Variants in IQCH observed in about 807,000 individuals in gnomAD.
IQCH encodes the protein IQ domain-containing protein H.
Under a neutral mutation model 117.0 loss-of-function variants are expected in IQCH, and 98 were observed. That is an observed-to-expected ratio of 0.84 (90% CI 0.71 to 0.99). The LOEUF (loss-of-function observed/expected upper bound fraction) is 0.99. Among genes scored for constraint, IQCH ranks in the 50% least tolerant of loss-of-function variants. The pLI, the probability that IQCH is intolerant of heterozygous loss-of-function variation, is 0.00. For synonymous variants in IQCH, 412 were observed against 448.2 expected (o/e 0.92, Z 1.02); for missense variants, 1,102 against 1,243.8 (o/e 0.89, Z 1.72).
intron 17 of IQCH, among the ~76,000 whole-genome samples, chr15:67,471,001 C>T (rs1313692253): frequency 6.6e-6 from 1 of 152,066 alleles, no homozygotes. Flanking sequence ...TAAAAATGTT[C>T]TCATTTCTTT....
In IQCH at chr15:67,447,358, A is replaced by G. The variant is rs1216525942; in HGVS notation, c.2506-17769A>G. Among the ~76,000 whole-genome samples the G allele has an allele frequency of 6.6e-6, 1 of 152,192 alleles. No individual in the cohort carries two copies. The highest frequency in any genetic ancestry group is 1.9e-4 in the East Asian group (1 of 5,198). The stretch of plus-strand genomic sequence containing the variant: ...TTGCTGCCATCCAAAAGGATGTCCT[A>G]TTAGCCTGACAGGGTGCTGAATCTT... On this transcript the variant is annotated intron_variant, in intron 16 of 20. Transcript: ENST00000335894. The surrounding 1 kb of genome is among the most constrained non-coding windows in gnomAD (Gnocchi z 5.3).
chr15:67,278,203 C>T (rs561239986), intron 3 of IQCH, among the ~76,000 whole-genome samples: 2 of 152,178 alleles, frequency 1.3e-5, no homozygotes, highest in East Asian at 3.9e-4. Flanking sequence ...GAGAACGGAA[C>T]GAAGAACAGA....
In IQCH at chr15:67,480,719, ATGAAATTATGAAG is replaced by A. The variant is rs1490301377; in HGVS notation, c.2799+4917_2799+4929del. 5.3e-5 allele frequency among the ~76,000 whole-genome samples: 8 copies of A among 152,300 alleles called. No individual in the cohort carries two copies. The South Asian group carries it at 6.2e-4, about 12-fold the overall frequency. On this transcript the variant is annotated intron_variant, in intron 18 of 20. Transcript: ENST00000335894. ...GGATGACAATTCATGAAGTGAATTT[ATGAAATTATGAAG>A]TGAAATTATGAAGTGGTGAAATATT...
intron 16 of IQCH, among the ~76,000 whole-genome samples, chr15:67,448,454 T>G (rs1479022487): frequency 2.1e-5 from 3 of 142,182 alleles, no homozygotes; most frequent in African/African-American, 7.9e-5. Context: ...AATTCCCACC[T>G]ATGAGTGAGA....
intron 10 of IQCH, among the ~76,000 whole-genome samples, chr15:67,383,830 G>C (rs1971022904): frequency 6.6e-6 from 1 of 152,172 alleles, no homozygotes; most frequent in Admixed American, 6.6e-5. Flanking sequence ...CAGATGCAAA[G>C]CAAAGAGAGA....
chr15:67,403,280 C>T lies in IQCH; in HGVS notation c.2097+2975C>T, dbSNP rs1330007519. The stretch of plus-strand genomic sequence containing the variant: ...AAAAAAAAAGTCATCTCTTTTTTCA[C>T]CTATGTAATTTGGAACCAGAGTTAT... On this transcript the variant is annotated intron_variant, in intron 14 of 20. Coordinates refer to ENST00000335894, the MANE Select transcript of IQCH (RefSeq NM_001031715.3). This position sits in a 1 kb window ranked among gnomAD's most constrained non-coding sequence, Gnocchi z 4.8. 1.3e-5 allele frequency among the ~76,000 whole-genome samples: 2 copies of T among 151,550 alleles called. No individual in the cohort carries two copies. The highest frequency in any genetic ancestry group is 2.9e-5 in the Non-Finnish European group (2 of 67,880).
intron 18 of IQCH, among the ~76,000 whole-genome samples, chr15:67,482,036 C>T (rs192703009): frequency 1.1e-3 from 164 of 152,296 alleles, no homozygotes; most frequent in African/African-American, 3.6e-3. Flanking sequence ...CCAGCCTGGG[C>T]AACATGGCAA....
chr15:67,324,547 T>C (rs1331496505), intron 4 of IQCH, among the ~76,000 whole-genome samples: 2 of 149,540 alleles, frequency 1.3e-5, no homozygotes, highest in African/African-American at 4.9e-5. Context: ...GAGGCGGAGG[T>C]TGCAGTGAGC....
rs1161465321 is a variant in IQCH, at chr15:67,443,272, G to A, written c.2505+21695G>A. Among the ~76,000 whole-genome samples, 1 of 152,176 alleles carries A rather than the reference G, an allele frequency of 6.6e-6. No individual in the cohort carries two copies. The highest frequency in any genetic ancestry group is 1.5e-5 in the Non-Finnish European group (1 of 68,018). On this transcript the variant is annotated intron_variant, in intron 16 of 20. Transcript: ENST00000335894. This position sits in a 1 kb window ranked among gnomAD's most constrained non-coding sequence, Gnocchi z 5.0. ...CTCCCAAAGTGCTGGGATTACAGGC[G>A]TGAGCCACTGCGCCCAGCCTGGAGA... is the stretch of plus-strand genomic sequence containing the variant.
chr15:67,321,896 T>A (rs1596176573), intron 4 of IQCH, among the ~76,000 whole-genome samples: 1 of 152,368 alleles, frequency 6.6e-6, no homozygotes, highest in East Asian at 1.9e-4. Context: ...ACATCATTTA[T>A]GTTGGTGAAT....
Position 67,395,383 on chromosome 15 carries a change from C to A in IQCH, c.1725C>A (p.Ile575=), listed in dbSNP as rs139832856. The A allele has an allele frequency of 1.2e-6, 2 of 1,613,960 alleles. No individual in the cohort carries two copies. Among genetic ancestry groups the A allele is most frequent in the Admixed American group, 3.3e-5 (2 of 59,994 alleles). The change falls in exon 13 of 21, where the codon ATC becomes ATA. Residue 575 remains isoleucine (I), a synonymous_variant. Transcript: ENST00000335894. This position sits in a 1 kb window ranked among gnomAD's most constrained non-coding sequence, Gnocchi z 4.0. ...KNLIRGTEAY[I]VSGLLHRDDL... ...TCATCCGAGGAACAGAGGCCTACAT[C>A]GTCAGCGGGCTCCTCCACAGAGATG...
Position 67,424,453 on chromosome 15 carries a change from T to G in IQCH, c.2505+2876T>G, listed in dbSNP as rs1398589464. 6.6e-6 allele frequency among the ~76,000 whole-genome samples: 1 copy of G among 152,254 alleles called. No homozygotes were observed. Among genetic ancestry groups the G allele is most frequent in the Non-Finnish European group, 1.5e-5 (1 of 68,050 alleles). Reference sequence around the variant, plus strand: ...ACAAATTTAAACTTATTTACATGACTATCTGATTAATATTTTTCTCCTCCT... The same window carrying G: ...ACAAATTTAAACTTATTTACATGACGATCTGATTAATATTTTTCTCCTCCT... On this transcript the variant is annotated intron_variant, in intron 16 of 20. Transcript: ENST00000335894. This position sits in a 1 kb window ranked among gnomAD's most constrained non-coding sequence, Gnocchi z 4.9.
At position 67,279,638 on chromosome 15, in the gene IQCH, A is replaced by G. The variant is rs189606028; in HGVS notation, c.387+126A>G. 8.9e-6 allele frequency: 5 copies of G among 564,692 alleles called. No individual in the cohort carries two copies. The Admixed American group carries it at 1.8e-4, about 20-fold the overall frequency. 35.0% of individuals were successfully genotyped at this position (564,692 alleles called of 1,614,324 possible). A position where few individuals can be genotyped will look rare whatever the true frequency, so the allele number is the denominator to read the frequency against. ...CTTTGGGGGACAATGAACATGTTCTAGAATTATATAGTGGTGATGATTGCA... is the reference window on the plus strand; with the variant it reads ...CTTTGGGGGACAATGAACATGTTCTGGAATTATATAGTGGTGATGATTGCA... On this transcript the variant is annotated intron_variant, in intron 4 of 20. Transcript: ENST00000335894.
chr15:67,323,334 C>T (rs1284555986), intron 4 of IQCH, among the ~76,000 whole-genome samples: 4 of 150,776 alleles, frequency 2.7e-5, no homozygotes, highest in African/African-American at 9.8e-5. Flanking sequence ...GCTCTGCCTC[C>T]CAGGTTCACG....
chr15:67,290,951 G>T (rs549737637), intron 4 of IQCH, among the ~76,000 whole-genome samples: 47 of 152,248 alleles, frequency 3.1e-4, no homozygotes, highest in South Asian at 2.9e-3. Flanking sequence ...GCCTTTATGG[G>T]CCAGGAACAC....
rs1970468697 is a variant in IQCH, at chr15:67,369,972, G to T, written c.754-2139G>T. On this transcript the variant is annotated intron_variant, in intron 8 of 20. Transcript: ENST00000335894. This position sits in a 1 kb window ranked among gnomAD's most constrained non-coding sequence, Gnocchi z 5.2. Reference sequence around the variant, plus strand: ...AGGAGTATGTTTCCTTTGAGAGCAGGTCTTTGCTGGAATATCATCCAAGAA... The same window carrying T: ...AGGAGTATGTTTCCTTTGAGAGCAGTTCTTTGCTGGAATATCATCCAAGAA... 6.6e-6 allele frequency among the ~76,000 whole-genome samples: 1 copy of T among 152,186 alleles called. No individual in the cohort carries two copies.
intron 3 of IQCH, among the ~76,000 whole-genome samples, chr15:67,265,198 C>T (rs1299495403): frequency 6.6e-6 from 1 of 152,218 alleles, no homozygotes; most frequent in African/African-American, 2.4e-5. Context: ...CTGAAAAGAG[C>T]TACCTAGGTA....
rs2083623052 is a variant in IQCH, at chr15:67,490,583, T to TAAATCTAA, written c.2861+521_2861+522insATCTAAAA. Among the ~76,000 whole-genome samples the TAAATCTAA allele has an allele frequency of 6.6e-6, 1 of 152,136 alleles. No homozygotes were observed. The highest frequency in any genetic ancestry group is 2.4e-5 in the African/African-American group (1 of 41,420). The stretch of plus-strand genomic sequence containing the variant: ...TGATTAATTACCTAAAATTAATGGG[T>TAAATCTAA]AAGATTTAGATTTAACAACATATTA... On this transcript the variant is annotated intron_variant, in intron 19 of 20. Coordinates refer to ENST00000335894, the MANE Select transcript of IQCH (RefSeq NM_001031715.3). The surrounding 1 kb of genome is among the most constrained non-coding windows in gnomAD (Gnocchi z 4.9).
At chr15:67,357,036 C>T (rs992555816) in intron 6 of IQCH, among the ~76,000 whole-genome samples, 2 of 152,162 alleles carry the variant, frequency 1.3e-5, no homozygotes, top group African/African-American at 4.8e-5. Context: ...TTTTATAAGA[C>T]AGATATTACT....
Sources: allele counts gnomAD v4.1 joint callset (sites outside exome capture counted in the v4.1 genomes callset), GRCh38; gene constraint gnomAD v4.1.1; non-coding constraint Gnocchi (gnomAD v3.1); transcripts MANE v1.5; gene names NCBI Gene and HGNC (gene_info 2026-07-23, HGNC 2026-07-21).